The following NSMF variants were observed in gnomAD, a reference collection of about 807,000 sequenced individuals.
NSMF encodes the protein nasal embryonic LHRH factor.
Under a neutral mutation model 71.0 loss-of-function variants are expected in NSMF, and 31 were observed. The ratio of observed to expected loss-of-function variants is 0.44; its 90% CI spans 0.33 to 0.59. The LOEUF is 0.59. Among genes scored for constraint, NSMF ranks in the 20% least tolerant of loss-of-function variants. NSMF has a pLI of 0.04. For missense variants in NSMF, 673 were observed against 740.5 expected (o/e 0.91, Z 1.06); for synonymous variants, 345 against 287.1 (o/e 1.20, Z -2.04).
intron 12 of NSMF, 50 bp from the exon 13 acceptor site, chr9:137,450,305 GACACACATGCACCC>G: frequency 1.4e-6 from 2 of 1,459,564 alleles, no homozygotes; most frequent in Non-Finnish European, 1.9e-6. Context: ...CCCCCTCTCC[GACACACATGCACCC>G]ACGCACATGC....
Position 137,453,527 on chromosome 9 carries a change from C to T in NSMF, c.922+204G>A. On this transcript the variant is annotated intron_variant, in intron 8 of 15. Transcript: ENST00000371475. This position sits in a 1 kb window ranked among gnomAD's most constrained non-coding sequence, Gnocchi z 4.5. ...GGCGGTGGGCACGGCCCTACAGGCG[C>T]CCCCGGCCAGCACTGCCGCGGCCGT... The T allele has an allele frequency of 3.3e-6, 2 of 606,372 alleles. No individual in the cohort carries two copies. The highest frequency in any genetic ancestry group is 2.0e-5 in the South Asian group (1 of 49,914). The allele number at this position is 606,372 out of a possible 1,614,324, so 37.6% of individuals were successfully genotyped here. A position where few individuals can be genotyped will look rare whatever the true frequency, so the allele number is the denominator to read the frequency against.
chr9:137,458,004 T>A (rs1189485054), intron 2 of NSMF, 103 bp from the exon 3 acceptor site: 7 of 1,496,958 alleles, frequency 4.7e-6, no homozygotes, highest in Non-Finnish European at 6.3e-6. Context: ...ACCTGGCCTC[T>A]GTGGGGGACT....
chr9:137,456,636 G>C, intron 3 of NSMF, 150 bp from the exon 4 acceptor site: 2 of 714,424 alleles, frequency 2.8e-6, no homozygotes, highest in South Asian at 1.5e-5. Context: ...CCCCACACGG[G>C]CACAGAGGGC....
rs749056503 is a variant in NSMF at position 137,458,477 on chromosome 9, C to A, written c.133+11G>T. 1.9e-6 allele frequency: 3 copies of A among 1,577,300 alleles called. No homozygotes were observed. The highest frequency in any genetic ancestry group is 1.3e-5 in the African/African-American group (1 of 74,108). On this transcript the variant is annotated intron_variant, in intron 2 of 15. Transcript: ENST00000371475. ...TCTGGGCGGCCCTGGCACGGCCTCG[C>A]GTGCCCCTACCTGCGCCGTTGCGGT...
In NSMF at chr9:137,453,746, G is replaced by A; in HGVS notation, c.907C>T (p.His303Tyr). 1 of 1,602,166 alleles carries A rather than the reference G, an allele frequency of 6.2e-7. No homozygotes were observed. The highest frequency in any genetic ancestry group is 8.5e-7 in the Non-Finnish European group (1 of 1,178,326). Residue 303 changes from histidine (H) to tyrosine (Y), a missense_variant, in exon 8 of 16, where the codon CAC becomes TAC. Physicochemically the swap from His to Tyr is moderately conservative, Grantham distance 83. Transcript: ENST00000371475. The surrounding 1 kb of genome is among the most constrained non-coding windows in gnomAD (Gnocchi z 4.5). ...DPTPMKADTS[H>Y]DSRDSSDLQS... ...GGGCACCTACTGTCTCGGGAGTCGT[G>A]GGAAGTGTCGGCTTTCATGGGGGTG...
chr9:137,447,939 C>G lies in NSMF; in HGVS notation c.*1455G>C, dbSNP rs1193363404. 6.6e-6 allele frequency: 1 copy of G among 152,262 alleles called. No individual in the cohort carries two copies. Among genetic ancestry groups the G allele is most frequent in the Non-Finnish European group, 1.5e-5 (1 of 68,072 alleles). The allele number at this position is 152,262 out of a possible 1,614,324, so 9.4% of individuals were successfully genotyped here. ...GCGTGAGGGACATACAGCCCTCTCC[C>G]TGGTGCCCTCAGGCGGCAGGGGGAA... is the stretch of plus-strand genomic sequence containing the variant. On this transcript the variant is annotated 3_prime_UTR_variant, in exon 16 of 16. Transcript: ENST00000371475.
intron 7 of NSMF, among the ~76,000 whole-genome samples, chr9:137,454,143 G>T (rs1185976820): frequency 4.5e-5 from 1 of 22,206 alleles, no homozygotes. Flanking sequence ...GGGCGTGGCT[G>T]GGAGGGGAGG....
At position 137,459,276 on chromosome 9, in the gene NSMF, C is replaced by G; in HGVS notation, c.-174G>C. On this transcript the variant is annotated 5_prime_UTR_variant, in exon 1 of 16. It removes an upstream start codon present in the reference 5' UTR. Transcript: ENST00000371475. ...GGCTCGGGGTCGGGCCCGGTCCCCG[C>G]ATGGCCGCACCCGGCGCTCCGCGCG... The G allele has an allele frequency of 3.9e-6, 1 of 259,436 alleles. No homozygotes were observed. 16.1% of individuals were successfully genotyped at this position (259,436 alleles called of 1,614,324 possible). A position where few individuals can be genotyped will look rare whatever the true frequency, so the allele number is the denominator to read the frequency against.
At chr9:137,450,152 C>G (rs778984319) in intron 13 of NSMF, 24 bp downstream of exon 13, 1 of 1,610,084 alleles carries the variant, frequency 6.2e-7, no homozygotes, top group African/African-American at 1.3e-5. Context: ...GCCCTCCCCG[C>G]GCCCAGGGCA....
intron 1 of NSMF, 82 bp downstream of exon 1, chr9:137,458,950 G>A (rs1182327328): frequency 2.6e-5 from 29 of 1,106,310 alleles, no homozygotes; most frequent in Admixed American, 2.4e-4. Flanking sequence ...GGGAGCCCGG[G>A]GAGCACCGCG....
At chr9:137,454,996 G>A in intron 6 of NSMF, 1 of 721,350 alleles carries the variant, frequency 1.4e-6, no homozygotes, top group Non-Finnish European at 2.6e-6. Flanking sequence ...GGGGGAGGGG[G>A]GCCTTGCTGC....
At chr9:137,454,508 GC>G (rs1207911132) in intron 6 of NSMF, 65 bp from the exon 7 acceptor site, 1 of 1,549,240 alleles carries the variant, frequency 6.5e-7, no homozygotes, top group Admixed American at 2.0e-5. Flanking sequence ...TGCCCACCTA[GC>G]CCCCGTCGGG....
chr9:137,458,391 A>C (rs1830971652), intron 2 of NSMF, 97 bp downstream of exon 2: 2 of 1,136,492 alleles, frequency 1.8e-6, no homozygotes, highest in African/African-American at 3.1e-5. Flanking sequence ...GCCCACGCGC[A>C]ACCAATGCCC....
intron 2 of NSMF, 46 bp from the exon 3 acceptor site, chr9:137,457,947 C>A (rs1240070126): frequency 6.5e-7 from 1 of 1,535,584 alleles, no homozygotes; most frequent in East Asian, 2.4e-5. Flanking sequence ...GTGGGCCCCC[C>A]GCTGCCGGTT....
chr9:137,457,283 C>T, intron 3 of NSMF, 124 bp downstream of exon 3: 1 of 1,378,684 alleles, frequency 7.3e-7, no homozygotes, highest in African/African-American at 1.4e-5. Flanking sequence ...AATCTTGAGT[C>T]CGCTGGCATG....
chr9:137,452,245 C>T, intron 12 of NSMF, 120 bp downstream of exon 12: 1 of 942,616 alleles, frequency 1.1e-6, no homozygotes, highest in East Asian at 2.5e-5. Context: ...ACCTCTTCCC[C>T]TTGGTCTCCC....
At chr9:137,455,542 C>G in intron 5 of NSMF, 87 bp downstream of exon 5, 1 of 1,469,058 alleles carries the variant, frequency 6.8e-7, no homozygotes, top group Non-Finnish European at 9.3e-7. Flanking sequence ...ACCCAGGTCC[C>G]TGGCCTGCCC....
rs78680544 is a variant in NSMF at position 137,448,737 on chromosome 9, G to A, written c.*657C>T. 9.3e-3 allele frequency: 1,449 copies of A among 155,582 alleles called. 28 individuals carry two copies. Among genetic ancestry groups the A allele is most frequent in the African/African-American group, 0.031 (1,274 of 41,590 alleles). 9.6% of individuals were successfully genotyped at this position (155,582 alleles called of 1,614,324 possible). On this transcript the variant is annotated 3_prime_UTR_variant, in exon 16 of 16. Transcript: ENST00000371475. The surrounding 1 kb of genome is among the most constrained non-coding windows in gnomAD (Gnocchi z 5.3). ...GACTGCCCCTACCGGGTCCGGCGCC[G>A]GCTGAGGTCTAAGTAAGCAGGGATG...
At chr9:137,458,964 C>G (rs757939938) in intron 1 of NSMF, 68 bp downstream of exon 1, 203 of 1,177,614 alleles carry the variant, frequency 1.7e-4, no homozygotes, top group Non-Finnish European at 2.1e-4. Flanking sequence ...CACCGCGGGG[C>G]AGGGGCGGAC....
Sources: gnomAD v4.1 joint callset for allele counts (sites outside exome capture counted in the v4.1 genomes callset) on GRCh38, gnomAD v4.1.1 for gene constraint, Gnocchi (gnomAD v3.1) non-coding constraint, MANE v1.5 for transcripts, NCBI Gene and HGNC (gene_info 2026-07-23, HGNC 2026-07-21) for gene names.